Variants in FRK observed in about 807,000 individuals in gnomAD.
The protein encoded by FRK is tyrosine-protein kinase FRK.
Under a neutral mutation model 56.4 loss-of-function variants are expected in FRK, and 51 were observed. That is an observed-to-expected ratio of 0.90 (90% confidence interval 0.72 to 1.14). The LOEUF is 1.14. FRK is among the 50% of genes most tolerant of loss of function. The pLI is 0.00. For synonymous variants in FRK, 245 were observed against 217.9 expected (o/e 1.12, Z -1.10); for missense variants, 570 against 601.4 (o/e 0.95, Z 0.55).
chr6:116,036,278 CTGTT>C (rs1413868561), intron 1 of FRK, among the ~76,000 whole-genome samples: 1 of 152,136 alleles, frequency 6.6e-6, no homozygotes, highest in Non-Finnish European at 1.5e-5. Context: ...TGTCTGATAT[CTGTT>C]TGATAAGATA....
At chr6:116,077,459 A>G in the FRK span, among the ~76,000 whole-genome samples, 12 of 152,316 alleles carry the variant, frequency 7.9e-5, no homozygotes, top group African/African-American at 2.9e-4. Context: ...TTTAAATCCT[A>G]TAGCTCCCCA....
At chr6:116,073,393 T>C in the FRK span, among the ~76,000 whole-genome samples, 1 of 152,172 alleles carries the variant, frequency 6.6e-6, no homozygotes, top group Non-Finnish European at 1.5e-5. Flanking sequence ...TCAGCAATTA[T>C]TAAGTAATTA....
intron 5 of FRK, among the ~76,000 whole-genome samples, chr6:115,947,460 G>A (rs1463975765): frequency 3.3e-5 from 5 of 151,790 alleles, no homozygotes; most frequent in East Asian, 1.9e-4. Flanking sequence ...CCCTGAGCAC[G>A]CACAGAAGAT....
chr6:115,947,201 T>A (rs1772491581), intron 5 of FRK, among the ~76,000 whole-genome samples: 1 of 152,170 alleles, frequency 6.6e-6, no homozygotes, highest in African/African-American at 2.4e-5. Context: ...TTTGTTTGCT[T>A]TATAATTACA....
chr6:116,080,775 TGA>T, the FRK span, among the ~76,000 whole-genome samples: 27,085 of 152,106 alleles, frequency 0.18, 2,868 homozygotes, highest in African/African-American at 0.29. Flanking sequence ...TCATTAATAA[TGA>T]GAGAAATGCA....
At chr6:116,074,216 G>C in the FRK span, among the ~76,000 whole-genome samples, 1 of 152,170 alleles carries the variant, frequency 6.6e-6, no homozygotes, top group Non-Finnish European at 1.5e-5. Context: ...CAGGAGACTG[G>C]GGGTGACTCA....
chr6:116,042,937 C>A (rs577236946), intron 1 of FRK, among the ~76,000 whole-genome samples: 1 of 152,104 alleles, frequency 6.6e-6, no homozygotes, highest in Admixed American at 6.5e-5. Context: ...GGTTGCAATC[C>A]TAGTCTCTGA....
intron 1 of FRK, among the ~76,000 whole-genome samples, chr6:116,012,616 T>C (rs1324709041): frequency 6.6e-6 from 1 of 152,242 alleles, no homozygotes; most frequent in Non-Finnish European, 1.5e-5. Context: ...CCTGTGGAGC[T>C]GTTAAATAAA....
At chr6:115,945,428 C>T (rs1772398561) in intron 5 of FRK, among the ~76,000 whole-genome samples, 1 of 152,026 alleles carries the variant, frequency 6.6e-6, no homozygotes, top group African/African-American at 2.4e-5. Context: ...GATGGTATCT[C>T]ATTGTGGTTT....
intron 2 of FRK, among the ~76,000 whole-genome samples, chr6:116,000,732 G>C (rs1294519085): frequency 6.6e-6 from 1 of 151,940 alleles, no homozygotes; most frequent in Non-Finnish European, 1.5e-5. Flanking sequence ...TTCTTCCTCT[G>C]AATATATTAC....
intron 1 of FRK, among the ~76,000 whole-genome samples, chr6:116,048,748 G>A (rs1322331577): frequency 1.3e-5 from 2 of 152,100 alleles, no homozygotes; most frequent in East Asian, 1.9e-4. Context: ...CTAATTTGTA[G>A]TTTTACTTCT....
chr6:116,062,609 A>T (rs891686828), upstream of FRK, among the ~76,000 whole-genome samples: 4 of 152,208 alleles, frequency 2.6e-5, no homozygotes, highest in Non-Finnish European at 5.9e-5. Flanking sequence ...ATGACAAGGC[A>T]TTCTGGAAAA....
chr6:116,039,442 G>A, intron 1 of FRK: 1 of 1,574,118 alleles, frequency 6.4e-7, no homozygotes, highest in Non-Finnish European at 8.7e-7. Flanking sequence ...CTTCCTCGTG[G>A]GTGATGCTTC....
chr6:115,944,497 T>C, intron 5 of FRK, 72 bp from the exon 6 acceptor site: 1 of 1,196,326 alleles, frequency 8.4e-7, no homozygotes, highest in East Asian at 2.4e-5. Context: ...TTCTGAGAAT[T>C]TTGAATGTAT....
chr6:115,949,110 C>A (rs919447424), intron 5 of FRK, among the ~76,000 whole-genome samples: 1 of 152,146 alleles, frequency 6.6e-6, no homozygotes, highest in African/African-American at 2.4e-5. Flanking sequence ...TATAGGAATG[C>A]TTGTGATTTT....
chr6:116,094,012 G>T, the FRK span, among the ~76,000 whole-genome samples: 1 of 152,144 alleles, frequency 6.6e-6, no homozygotes, highest in Admixed American at 6.5e-5. Context: ...GAGAAAGGCC[G>T]CAGCCTTAGT....
At chr6:115,971,986 C>G (rs959075033) in intron 2 of FRK, among the ~76,000 whole-genome samples, 1 of 152,220 alleles carries the variant, frequency 6.6e-6, no homozygotes, top group African/African-American at 2.4e-5. Flanking sequence ...GAAACTGAAG[C>G]TGACTCCTCT....
chr6:115,939,929 T>G lies in FRK; in HGVS notation c.*2485A>C. 6.6e-6 allele frequency: 1 copy of G among 152,206 alleles called. No individual in the cohort carries two copies. The highest frequency in any genetic ancestry group is 2.4e-5 in the African/African-American group (1 of 41,454). 9.4% of individuals were successfully genotyped at this position (152,206 alleles called of 1,614,324 possible). ...CCAAGGCAATTTATATATTCAGTGC[T>G]ATCCCCATCAAACTACCATTGACTT... On this transcript the variant is annotated 3_prime_UTR_variant, in exon 8 of 8. Coordinates refer to ENST00000606080, the MANE Select transcript of FRK (RefSeq NM_002031.3).
At chr6:116,006,158 C>A (rs1775239457) in intron 1 of FRK, among the ~76,000 whole-genome samples, 1 of 151,890 alleles carries the variant, frequency 6.6e-6, no homozygotes, top group Admixed American at 6.6e-5. Flanking sequence ...TATGTTGAGA[C>A]CTATAATCGA....
Sources: allele counts gnomAD v4.1 joint callset (sites outside exome capture counted in the v4.1 genomes callset), GRCh38; gene constraint gnomAD v4.1.1; transcripts MANE v1.5; gene names NCBI Gene and HGNC (gene_info 2026-07-23, HGNC 2026-07-21).